The following ANKRD30B variants were observed in gnomAD, a reference collection of about 807,000 sequenced individuals.
The protein encoded by ANKRD30B is ankyrin repeat domain-containing protein 30B.
A neutral mutation model predicts 202.2 loss-of-function variants in ANKRD30B; 144 were observed. That is an observed-to-expected ratio of 0.71 (90% CI 0.62 to 0.82). ANKRD30B has a LOEUF of 0.82. Among genes scored for constraint, ANKRD30B ranks in the 40% least tolerant of loss-of-function variants. The probability of loss-of-function intolerance (pLI) is 0.00; values close to 1 mark genes in which losing one functional copy is unlikely to be tolerated. For missense variants in ANKRD30B, 1,487 were observed against 1,669.1 expected, an observed-to-expected ratio of 0.89 and a Z score of 1.90; for synonymous variants, 508 against 561.3, an observed-to-expected ratio of 0.91 and a Z score of 1.34.
intron 16 of ANKRD30B, among the ~76,000 whole-genome samples, chr18:14,792,647 A>G (rs548974343): frequency 4.6e-4 from 70 of 152,038 alleles, no homozygotes; most frequent in African/African-American, 1.6e-3. Flanking sequence ...GGTGCTCCAG[A>G]GACTTTTGGA....
intron 39 of ANKRD30B, among the ~76,000 whole-genome samples, chr18:14,847,556 A>G (rs1971701164): frequency 8.2e-6 from 1 of 121,870 alleles, no homozygotes; most frequent in South Asian, 2.5e-4. Context: ...TACTCAGTGT[A>G]GCTTTCATCT....
chr18:14,870,217 C>T, the ANKRD30B span, among the ~76,000 whole-genome samples: 11 of 152,198 alleles, frequency 7.2e-5, no homozygotes, highest in Admixed American at 3.3e-4. Context: ...CAGGCTCAGA[C>T]AATCCTTCTG....
chr18:14,908,411 T>G, the ANKRD30B span, among the ~76,000 whole-genome samples: 3 of 152,216 alleles, frequency 2.0e-5, no homozygotes, highest in East Asian at 5.8e-4. Flanking sequence ...CTCAACATAT[T>G]TGGCTTCCTT....
In ANKRD30B at chr18:14,796,346, A is replaced by G; in HGVS notation, c.1858A>G (p.Thr620Ala). 1 of 1,591,396 alleles carries G rather than the reference A, an allele frequency of 6.3e-7. No individual in the cohort carries two copies. Among genetic ancestry groups the G allele is most frequent in the Non-Finnish European group, 8.6e-7 (1 of 1,167,424 alleles). The change falls in exon 18 of 44, where the codon ACC (threonine) becomes GCC (alanine). Residue 620 changes from threonine to alanine, a missense_variant. Around this residue, in one of 6 missense-constraint regions of ANKRD30B, gnomAD observed 889 missense variants for 841.4 expected, o/e 1.06. Transcript: ENST00000690538. ...TTGTGTTTCCAAACCCATTTAGCCT[A>G]CCTGTGGAAGGAAAGTTTCTCTTCC... ...SPVKDGLLKP[T>A]CGRKVSLPNK...
At chr18:14,906,110 C>A in the ANKRD30B span, among the ~76,000 whole-genome samples, 1 of 151,948 alleles carries the variant, frequency 6.6e-6, no homozygotes, top group Non-Finnish European at 1.5e-5. Context: ...AAAGTATATG[C>A]CACACATTGT....
intron 9 of ANKRD30B, among the ~76,000 whole-genome samples, chr18:14,773,937 G>C (rs1464949835): frequency 6.6e-6 from 1 of 152,018 alleles, no homozygotes; most frequent in African/African-American, 2.4e-5. Context: ...TACAGCTTGA[G>C]CCCCCGCGCC....
intron 39 of ANKRD30B, among the ~76,000 whole-genome samples, chr18:14,845,911 G>A (rs1325473249): frequency 6.6e-6 from 1 of 152,092 alleles, no homozygotes; most frequent in Non-Finnish European, 1.5e-5. Context: ...TTTATGAAGG[G>A]TTGGCCCTCA....
At chr18:14,863,613 A>G in the ANKRD30B span, among the ~76,000 whole-genome samples, 1 of 152,226 alleles carries the variant, frequency 6.6e-6, no homozygotes, top group Non-Finnish European at 1.5e-5. Context: ...TGAATTTGTA[A>G]TAAAAATATT....
In ANKRD30B at chr18:14,821,874, T is replaced by A. The variant is rs1207470651; in HGVS notation, c.2642-609T>A. Among the ~76,000 whole-genome samples, 5 of 152,150 alleles carry A rather than the reference T, an allele frequency of 3.3e-5. No homozygotes were observed. The East Asian group carries it at 9.6e-4, about 29-fold the overall frequency. The stretch of plus-strand genomic sequence containing the variant: ...TAAAAATACTCGTATTTCACAGAGG[T>A]TCAAAAATAAATATATTTATAAACT... On this transcript the variant is annotated intron_variant, in intron 30 of 43. Coordinates refer to ENST00000690538, the MANE Select transcript of ANKRD30B (RefSeq NM_001367607.2).
chr18:14,827,955 T>C (rs116804071), intron 32 of ANKRD30B, among the ~76,000 whole-genome samples: 2,595 of 152,318 alleles, frequency 0.017, 81 homozygotes, highest in African/African-American at 0.06. Context: ...AATTTTACTA[T>C]AGTCTCAACG....
At chr18:14,781,333 C>G (rs1469894840) in intron 11 of ANKRD30B, among the ~76,000 whole-genome samples, 1 of 49,568 alleles carries the variant, frequency 2.0e-5, no homozygotes, top group Non-Finnish European at 3.9e-5. Context: ...TTCGCTCAGT[C>G]GCCCAGGCTG....
At chr18:14,751,124 T>G (rs889876378) in intron 1 of ANKRD30B, among the ~76,000 whole-genome samples, 2 of 152,054 alleles carry the variant, frequency 1.3e-5, no homozygotes, top group African/African-American at 4.8e-5. Flanking sequence ...TTATCTCTGC[T>G]TATTGATTTA....
chr18:14,937,215 A>G, the ANKRD30B span, among the ~76,000 whole-genome samples: 2 of 152,180 alleles, frequency 1.3e-5, no homozygotes, highest in Non-Finnish European at 2.9e-5. Context: ...GTAAAGGAAA[A>G]TGAAAAGAAA....
the ANKRD30B span, among the ~76,000 whole-genome samples, chr18:14,930,298 C>T: frequency 1.5e-4 from 22 of 151,542 alleles, no homozygotes; most frequent in African/African-American, 5.3e-4. Flanking sequence ...GTGAAATATA[C>T]ACTAAATGGT....
the ANKRD30B span, among the ~76,000 whole-genome samples, chr18:14,912,471 C>T: frequency 6.6e-6 from 1 of 152,164 alleles, no homozygotes; most frequent in African/African-American, 2.4e-5. Context: ...TAAATCCCAC[C>T]TGATCATGGT....
chr18:14,827,216 A>C (rs1425633637), intron 32 of ANKRD30B, among the ~76,000 whole-genome samples: 2 of 152,188 alleles, frequency 1.3e-5, no homozygotes, highest in East Asian at 3.9e-4. Context: ...TAATGGGCAG[A>C]TAGCATATAC....
the ANKRD30B span, among the ~76,000 whole-genome samples, chr18:14,933,464 T>C: frequency 1.3e-5 from 2 of 151,654 alleles, no homozygotes; most frequent in Admixed American, 6.6e-5. Context: ...GGGCAGGAAA[T>C]TGGGGCCAGG....
chr18:14,805,338 G>C (rs1323161104), intron 24 of ANKRD30B, among the ~76,000 whole-genome samples: 5 of 150,882 alleles, frequency 3.3e-5, no homozygotes, highest in Non-Finnish European at 7.4e-5. Context: ...TAATAAGTCT[G>C]TTGAAACTAA....
chr18:14,811,734 T>C (rs1342264287), intron 28 of ANKRD30B, among the ~76,000 whole-genome samples: 1 of 44,382 alleles, frequency 2.3e-5, no homozygotes, highest in Non-Finnish European at 4.4e-5. Flanking sequence ...GAGACGTCCA[T>C]AAAGGACACA....
Sources: gnomAD v4.1 joint callset for allele counts (sites outside exome capture counted in the v4.1 genomes callset) on GRCh38, gnomAD v4.1.1 for gene constraint, gnomAD v4.1.1 regional missense constraint, MANE v1.5 for transcripts, NCBI Gene and HGNC (gene_info 2026-07-23, HGNC 2026-07-21) for gene names.